ABCG2: variants seen among roughly 807,000 people sequenced by gnomAD.
ABCG2 encodes ATP binding cassette subfamily G member 2 (JR blood group).
ABCG2 carries 80 observed loss-of-function variants against 73.5 expected under a neutral mutation model. That is an observed-to-expected ratio of 1.09 (90% CI 0.91 to 1.31). The LOEUF is 1.31. ABCG2 is among the 50% of genes most tolerant of loss of function. The probability of loss-of-function intolerance (pLI) is 0.00; values close to 1 mark genes in which losing one functional copy is unlikely to be tolerated. For missense variants in ABCG2, 796 were observed against 786.2 expected, an observed-to-expected ratio of 1.01 and a Z score of -0.15; for synonymous variants, 269 against 282.4, an observed-to-expected ratio of 0.95 and a Z score of 0.48.
At chr4:88,102,942 C>A (rs1266507366) in intron 10 of ABCG2, among the ~76,000 whole-genome samples, 2 of 152,096 alleles carry the variant, frequency 1.3e-5, no homozygotes, top group African/African-American at 2.4e-5. Context: ...CAGAGCTGCC[C>A]TCGGTCACCC....
chr4:88,115,440 C>T (rs1015908313), intron 7 of ABCG2, among the ~76,000 whole-genome samples: 5 of 150,006 alleles, frequency 3.3e-5, no homozygotes, highest in East Asian at 2.0e-4. Context: ...CGCATGACCA[C>T]GTCCAGCTAA....
chr4:88,202,991 C>T (rs971292818), intron 1 of ABCG2, among the ~76,000 whole-genome samples: 18 of 152,236 alleles, frequency 1.2e-4, no homozygotes, highest in African/African-American at 3.4e-4. Flanking sequence ...ATTCTTTACA[C>T]TAATAGGGTA....
At chr4:88,186,320 G>A (rs1308515803) in intron 1 of ABCG2, among the ~76,000 whole-genome samples, 2 of 152,118 alleles carry the variant, frequency 1.3e-5, no homozygotes, top group East Asian at 3.9e-4. Context: ...CAAAACAAGC[G>A]AACTCATGGA....
chr4:88,110,577 G>A (rs1723071795), intron 9 of ABCG2, among the ~76,000 whole-genome samples: 1 of 152,114 alleles, frequency 6.6e-6, no homozygotes, highest in Admixed American at 6.6e-5. Flanking sequence ...TATTGCCCAA[G>A]CTGTTCTCAC....
rs1488374723 is a variant in ABCG2, at chr4:88,107,103, A to T, written c.1277+81T>A. 3.7e-6 allele frequency: 4 copies of T among 1,082,184 alleles called. No individual in the cohort carries two copies. In the Admixed American group the frequency reaches 6.6e-5, roughly 18 times the overall value. 67.0% of individuals were successfully genotyped at this position (1,082,184 alleles called of 1,614,324 possible). ...ATGACATTTACACTATACTTGTCTT[A>T]AATTCAAATTCTTAATGGATTTCAA... On this transcript the variant is annotated intron_variant, in intron 10 of 15. Transcript: ENST00000237612.
chr4:88,198,398 C>T (rs1388731628), intron 1 of ABCG2, among the ~76,000 whole-genome samples: 1 of 151,916 alleles, frequency 6.6e-6, no homozygotes, highest in Admixed American at 6.6e-5. Context: ...TTTGGGGGAC[C>T]CAGGCAGGAA....
At chr4:88,193,930 A>T (rs1728811792) in intron 1 of ABCG2, among the ~76,000 whole-genome samples, 1 of 152,078 alleles carries the variant, frequency 6.6e-6, no homozygotes, top group Non-Finnish European at 1.5e-5. Context: ...TTTTTAATAG[A>T]GATGGGGTTT....
chr4:88,101,484 T>C (rs752716621), intron 10 of ABCG2, among the ~76,000 whole-genome samples, 165 bp from the exon 11 acceptor site: 5 of 152,160 alleles, frequency 3.3e-5, no homozygotes, highest in Admixed American at 6.5e-5. Flanking sequence ...ATCAAGCCTC[T>C]CCCCATCTCT....
chr4:88,153,065 C>T (rs954083168), intron 1 of ABCG2, among the ~76,000 whole-genome samples: 1 of 152,054 alleles, frequency 6.6e-6, no homozygotes, highest in African/African-American at 2.4e-5. Context: ...TGGGAGGACC[C>T]AGGACATCCA....
rs368948118 is a variant in ABCG2 at position 88,221,415 on chromosome 4, G to A, written c.-20+9579C>T. 1.6e-3 allele frequency among the ~76,000 whole-genome samples: 242 copies of A among 152,338 alleles called. 3 individuals carry two copies. In the South Asian group the frequency reaches 0.049, roughly 31 times the overall value. Reference sequence around the variant, plus strand: ...ACCCAAAAATGTAGAAACGACTTTGGAACTGGGTAACAGGCAGAGACTGGA... The same window carrying A: ...ACCCAAAAATGTAGAAACGACTTTGAAACTGGGTAACAGGCAGAGACTGGA... On this transcript the variant is annotated intron_variant, in intron 1 of 15. Coordinates refer to the ABCG2 transcript ENST00000515655.
At position 88,096,301 on chromosome 4, in the gene ABCG2, A is replaced by G. The variant is rs1045938195; in HGVS notation, c.1648-692T>C. Among the ~76,000 whole-genome samples the G allele has an allele frequency of 2.6e-5, 4 of 152,384 alleles. No homozygotes were observed. The South Asian group carries it at 6.2e-4, about 24-fold the overall frequency. ...ATTGCCACCACAAGCATACTGGTAT[A>G]TGCATAACAATGATGATGTTGCTGG... is the stretch of plus-strand genomic sequence containing the variant. On this transcript the variant is annotated intron_variant, in intron 13 of 15. Coordinates refer to ENST00000237612, the MANE Select transcript of ABCG2 (RefSeq NM_004827.3).
intron 9 of ABCG2, among the ~76,000 whole-genome samples, chr4:88,111,212 C>A (rs766721901): frequency 6.7e-6 from 1 of 148,814 alleles, no homozygotes; most frequent in Non-Finnish European, 1.5e-5. Flanking sequence ...TAAGAAAAAT[C>A]TAATGCATAC....
intron 13 of ABCG2, among the ~76,000 whole-genome samples, chr4:88,096,759 A>G (rs990455392): frequency 6.6e-6 from 1 of 152,162 alleles, no homozygotes; most frequent in African/African-American, 2.4e-5. Flanking sequence ...TTAAAAAAAA[A>G]AAGATAAGCA....
At chr4:88,163,603 GAGA>G (rs1376210439), upstream of ABCG2, 2 of 167,280 alleles carry the variant, frequency 1.2e-5, no homozygotes, top group Non-Finnish European at 2.6e-5. Flanking sequence ...GAAAAGCGGC[GAGA>G]AGAAGAAGGG....
At chr4:88,149,641 C>T (rs896941915) in intron 1 of ABCG2, among the ~76,000 whole-genome samples, 19 of 151,876 alleles carry the variant, frequency 1.3e-4, no homozygotes, top group African/African-American at 4.1e-4. Flanking sequence ...CACATGAGGT[C>T]GGGAGTTCGA....
At chr4:88,202,575 T>C (rs1040339240) in intron 1 of ABCG2, among the ~76,000 whole-genome samples, 1 of 151,310 alleles carries the variant, frequency 6.6e-6, no homozygotes, top group African/African-American at 2.4e-5. Context: ...ACCTCACAGA[T>C]TGAATCACAG....
chr4:88,180,289 A>C (rs1728179883), intron 1 of ABCG2, among the ~76,000 whole-genome samples: 1 of 152,130 alleles, frequency 6.6e-6, no homozygotes, highest in Admixed American at 6.5e-5. Context: ...GTGCTAAAGG[A>C]AAAAAACTTG....
intron 1 of ABCG2, among the ~76,000 whole-genome samples, chr4:88,164,598 G>GC (rs1219290821): frequency 6.6e-6 from 1 of 152,070 alleles, no homozygotes; most frequent in Non-Finnish European, 1.5e-5. Context: ...GTTTCCTGAG[G>GC]CCTCCCTAGC....
At chr4:88,152,113 T>A (rs989505271) in intron 1 of ABCG2, among the ~76,000 whole-genome samples, 2 of 152,204 alleles carry the variant, frequency 1.3e-5, no homozygotes, top group African/African-American at 2.4e-5. Context: ...AATAAAATGA[T>A]CCTGGTTTCT....
Sources: allele counts gnomAD v4.1 joint callset (sites outside exome capture counted in the v4.1 genomes callset), GRCh38; gene constraint gnomAD v4.1.1; transcripts MANE v1.5; gene names NCBI Gene and HGNC (gene_info 2026-07-23, HGNC 2026-07-21).